ZNF468: variants seen among roughly 807,000 people sequenced by gnomAD.
ZNF468 encodes zinc finger protein ZNF468.
Under a neutral mutation model 7.2 loss-of-function variants are expected in ZNF468, and 8 were observed. That is an observed-to-expected ratio of 1.11 (90% confidence interval 0.65 to 2.01). The LOEUF (loss-of-function observed/expected upper bound fraction) is 2.01, where lower values mean the gene tolerates loss of function less well. ZNF468 is among the 30% of genes most tolerant of loss of function. The pLI, the probability that ZNF468 is intolerant of heterozygous loss-of-function variation, is 0.00. For missense variants in ZNF468, 608 were observed against 626.5 expected, an observed-to-expected ratio of 0.97 and a Z score of 0.31; for synonymous variants, 218 against 214.4, an observed-to-expected ratio of 1.02 and a Z score of -0.15.
intron 3 of ZNF468, among the ~76,000 whole-genome samples, chr19:52,843,431 C>T (rs186746024): frequency 1.1e-4 from 17 of 152,122 alleles, no homozygotes; most frequent in Admixed American, 3.9e-4. Context: ...TCAGGTTTCA[C>T]CATGTTGGCC....
rs1204614885 is a variant in ZNF468 at position 52,841,860 on chromosome 19, T to C, written c.434A>G (p.His145Arg). ...TATGTGCGGTTCAGGCAGATGCAAATGAAAGCTTGATCCAAGCTGATCTTT... is the reference window on the plus strand; with the variant it reads ...TATGTGCGGTTCAGGCAGATGCAAACGAAAGCTTGATCCAAGCTGATCTTT... Reference protein sequence around the residue: ...RIKDQLGSSFHLHLPEPHIFQ... With the variant: ...RIKDQLGSSFRLHLPEPHIFQ... Residue 145 changes from histidine to arginine, a missense_variant, in exon 4 of 4, where the codon CAT (histidine) becomes CGT (arginine). Coordinates refer to ENST00000595646, the MANE Select transcript of ZNF468 (RefSeq NM_001008801.2). 1.2e-6 allele frequency: 2 copies of C among 1,614,138 alleles called. No homozygotes were observed. The highest frequency in any genetic ancestry group is 2.2e-5 in the East Asian group (1 of 44,860).
intron 2 of ZNF468, among the ~76,000 whole-genome samples, chr19:52,852,838 A>T (rs1011484425): frequency 4.1e-5 from 6 of 146,758 alleles, no homozygotes; most frequent in Middle Eastern, 3.5e-3. Flanking sequence ...AATATATAAA[A>T]TTTTTTTTTA....
In ZNF468 at chr19:52,841,328, A is replaced by T; in HGVS notation, c.966T>A (p.Thr322=). Residue 322 remains threonine (T), a synonymous_variant, in exon 4 of 4, where the codon ACT becomes ACA. Coordinates refer to ENST00000595646, the MANE Select transcript of ZNF468 (RefSeq NM_001008801.2). ...SHLERHKRIH[T]GEKPYKCKVC... ...CCTTACATTTGTATGGTTTCTCTCC[A>T]GTATGAATCCTCTTATGTCTTTCAA... 1 of 1,613,926 alleles carries T rather than the reference A, an allele frequency of 6.2e-7. No individual in the cohort carries two copies. The highest frequency in any genetic ancestry group is 8.5e-7 in the Non-Finnish European group (1 of 1,179,950).
At position 52,840,426 on chromosome 19, in the gene ZNF468, G is replaced by C. The variant is rs2063285206; in HGVS notation, c.*299C>G. 1 of 562,930 alleles carries C rather than the reference G, an allele frequency of 1.8e-6. No homozygotes were observed. Among genetic ancestry groups the C allele is most frequent in the African/African-American group, 1.9e-5 (1 of 52,546 alleles). 34.9% of individuals were successfully genotyped at this position (562,930 alleles called of 1,614,324 possible). On this transcript the variant is annotated 3_prime_UTR_variant, in exon 4 of 4. Coordinates refer to ENST00000595646, the MANE Select transcript of ZNF468 (RefSeq NM_001008801.2). The stretch of plus-strand genomic sequence containing the variant: ...TCCAGTGTGAATTCTAGTATGTTTT[G>C]CCAGATATGCATTATATGCAAAAAC...
At chr19:52,850,050 A>C (rs1385809512) in intron 2 of ZNF468, among the ~76,000 whole-genome samples, 1 of 152,170 alleles carries the variant, frequency 6.6e-6, no homozygotes, top group African/African-American at 2.4e-5. Flanking sequence ...CAGATTTTCA[A>C]AATACAAAAG....
In ZNF468 at chr19:52,839,251, C is replaced by CA. The variant is rs113896444; in HGVS notation, c.*1473dup. 24,185 of 165,738 alleles carry CA rather than the reference C, an allele frequency of 0.15. 1,897 individuals are homozygous for CA. The highest frequency in any genetic ancestry group is 0.29 in the Admixed American group (4,565 of 16,014). 10.3% of individuals were successfully genotyped at this position (165,738 alleles called of 1,614,324 possible). A position where few individuals can be genotyped will look rare whatever the true frequency, so the allele number is the denominator to read the frequency against. ...TGGGCGACAGAGCAAGACTCCATCT[C>CA]AAAAAAAAAACAAGAAAAAGAAAAT... On this transcript the variant is annotated 3_prime_UTR_variant, in exon 4 of 4. Transcript: ENST00000595646.
chr19:52,851,277 G>C (rs888320018), intron 2 of ZNF468, among the ~76,000 whole-genome samples: 17 of 148,712 alleles, frequency 1.1e-4, no homozygotes, highest in African/African-American at 4.0e-4. Context: ...GTCTCAAAAA[G>C]AAACAAACAA....
chr19:52,842,962 A>G (rs990133721), intron 3 of ZNF468, among the ~76,000 whole-genome samples: 1 of 151,678 alleles, frequency 6.6e-6, no homozygotes, highest in Non-Finnish European at 1.5e-5. Flanking sequence ...TCGCTACTAA[A>G]GACACAAAAA....
In ZNF468 at chr19:52,841,371, A is replaced by G; in HGVS notation, c.923T>C (p.Phe308Ser). The change falls in exon 4 of 4, where the codon TTC becomes TCC. Residue 308 changes from phenylalanine (F) to serine (S), a missense_variant. Physicochemically the swap from Phe to Ser is radical, Grantham distance 155. Transcript: ENST00000595646. ...TCTTTCAAGGTGTGATTTGCGACTG[A>G]AAACTTTGTCACATTCTTCACATTC... ...PYECEECDKV[F>S]SRKSHLERHK... The G allele has an allele frequency of 1.2e-6, 2 of 1,614,044 alleles. No homozygotes were observed. Among genetic ancestry groups the G allele is most frequent in the South Asian group, 2.2e-5 (2 of 91,070 alleles).
intron 3 of ZNF468, 82 bp downstream of exon 3, chr19:52,849,005 G>T (rs1243746726): frequency 6.8e-5 from 76 of 1,123,786 alleles, no homozygotes; most frequent in Non-Finnish European, 8.6e-5. Context: ...TTTAGTCAAG[G>T]AACAATGGGG....
At chr19:52,851,302 TGAG>T (rs1210309775) in intron 2 of ZNF468, among the ~76,000 whole-genome samples, 1 of 149,836 alleles carries the variant, frequency 6.7e-6, no homozygotes, top group Non-Finnish European at 1.5e-5. Context: ...AAAAGCTGGG[TGAG>T]GTGGCTCACG....
Position 52,849,168 on chromosome 19 carries a change from C to G in ZNF468, c.61G>C (p.Glu21Gln). Residue 21 changes from glutamate (E) to glutamine (Q), a missense_variant, in exon 3 of 4, where the codon GAG becomes CAG. Physicochemically the swap from Glu to Gln is conservative, Grantham distance 29. Transcript: ENST00000595646. Reference protein sequence around the residue: ...RDVAIEFSQEEWKCLDPAQRT... With the variant: ...RDVAIEFSQEQWKCLDPAQRT... ...TGAGCAGGGTCCAGGCATTTCCACT[C>G]CTCCTGAGAGAATTCTATGGCCACG... The G allele has an allele frequency of 6.2e-7, 1 of 1,613,962 alleles. No individual in the cohort carries two copies. Among genetic ancestry groups the G allele is most frequent in the Non-Finnish European group, 8.5e-7 (1 of 1,179,932 alleles).
rs761215426 is a variant in ZNF468, at chr19:52,841,760, T to C, written c.534A>G (p.Gln178=). 1.5e-4 allele frequency: 248 copies of C among 1,614,118 alleles called. 1 individual carries two copies. In the Middle Eastern group the frequency reaches 4.3e-3, roughly 28 times the overall value. The change falls in exon 4 of 4, where the codon CAA becomes CAG. Residue 178 remains glutamine (Q), a synonymous_variant. Transcript: ENST00000595646. ...INNASSVSTS[Q]RICCRPKTHI... ...GGGTTTTGGGCCTACAACAAATTCT[T>C]TGGGATGTTGAAACTGAGGAAGCAT... is the stretch of plus-strand genomic sequence containing the variant.
Position 52,841,915 on chromosome 19 carries a change from C to A in ZNF468, c.379G>T (p.Asp127Tyr). ...KELAGSTGQH[D>Y]QRHAGNKRIK... is the part of the protein sequence containing the mutation. The stretch of plus-strand genomic sequence containing the variant: ...CGCTTGTTTCCAGCATGCCTTTGAT[C>A]ATGTTGGCCTGTACTACCAGCCAAC... The change falls in exon 4 of 4, where the codon GAT becomes TAT. Residue 127 changes from aspartate to tyrosine, a missense_variant. Asp to Tyr is a radical substitution (Grantham distance 160). Coordinates refer to ENST00000595646, the MANE Select transcript of ZNF468 (RefSeq NM_001008801.2). 1 of 1,614,060 alleles carries A rather than the reference C, an allele frequency of 6.2e-7. No individual in the cohort carries two copies.
chr19:52,849,685 A>AT (rs2063369325), intron 2 of ZNF468: 3 of 167,098 alleles, frequency 1.8e-5, no homozygotes, highest in African/African-American at 4.9e-5. Context: ...GGTTGCAGTG[A>AT]TCCCAGATCG....
At chr19:52,854,758 C>T (rs2063421958) in intron 1 of ZNF468, among the ~76,000 whole-genome samples, 1 of 151,940 alleles carries the variant, frequency 6.6e-6, no homozygotes, top group African/African-American at 2.4e-5. Flanking sequence ...GGCACATTGG[C>T]TCATGCCTGT....
chr19:52,844,741 G>A (rs1253733232), intron 3 of ZNF468, among the ~76,000 whole-genome samples: 1 of 152,116 alleles, frequency 6.6e-6, no homozygotes, highest in Non-Finnish European at 1.5e-5. Context: ...GTTTCACCAT[G>A]TTGGCTAGGC....
At chr19:52,849,517 A>G in intron 2 of ZNF468, 1 of 403,584 alleles carries the variant, frequency 2.5e-6, no homozygotes, top group Non-Finnish European at 4.2e-6. Context: ...TAGACACACC[A>G]AGTGACATTC....
rs28395313 is a variant in ZNF468 at position 52,850,856 on chromosome 19, G to A, written c.16-1643C>T. Among the ~76,000 whole-genome samples, 387 of 151,496 alleles carry A rather than the reference G, an allele frequency of 2.6e-3. 2 individuals are homozygous for A. Among genetic ancestry groups the A allele is most frequent in the African/African-American group, 8.4e-3 (345 of 41,312 alleles). On this transcript the variant is annotated intron_variant, in intron 2 of 3. Transcript: ENST00000595646. ...GGAGCTTGCAGTGAGCCGAGATCGC[G>A]CCACTGCACTCCAGCCTGGGCGACA...
Sources: gnomAD v4.1 joint callset for allele counts (sites outside exome capture counted in the v4.1 genomes callset) on GRCh38, gnomAD v4.1.1 for gene constraint, MANE v1.5 for transcripts, NCBI Gene and HGNC (gene_info 2026-07-23, HGNC 2026-07-21) for gene names.